Variants in SHANK2 observed in about 807,000 individuals in gnomAD.
The protein encoded by SHANK2 is SH3 and multiple ankyrin repeat domains protein 2.
In SHANK2, 43 loss-of-function variants were observed where a neutral mutation model predicts 133.7. The ratio of observed to expected loss-of-function variants is 0.32; its 90% CI spans 0.25 to 0.41. The LOEUF is 0.41. Among genes scored for constraint, SHANK2 ranks in the 10% least tolerant of loss-of-function variants. SHANK2 has a pLI of 1.00. For missense variants in SHANK2, 1,994 were observed against 2,235.8 expected, an observed-to-expected ratio of 0.89 and a Z score of 2.18; for synonymous variants, 1,017 against 952.8, an observed-to-expected ratio of 1.07 and a Z score of -1.24.
At chr11:70,565,537 C>G (rs1195147789) in intron 17 of SHANK2, among the ~76,000 whole-genome samples, 1 of 152,198 alleles carries the variant, frequency 6.6e-6, no homozygotes, top group East Asian at 1.9e-4. Flanking sequence ...TGAGCCACCA[C>G]GCCTGGCCTC....
chr11:70,472,795 G>A lies in SHANK2; in HGVS notation c.*74C>T. 7.0e-7 allele frequency: 1 copy of A among 1,427,260 alleles called. No individual in the cohort carries two copies. The highest frequency in any genetic ancestry group is 1.7e-5 in the Admixed American group (1 of 59,776). 88.4% of individuals were successfully genotyped at this position (1,427,260 alleles called of 1,614,324 possible). A position where few individuals can be genotyped will look rare whatever the true frequency, so the allele number is the denominator to read the frequency against. ...GGTTGATGCTCACAGACTTCGCTTGGCATTCAGATGTTTCAGCACGAGCCC... is the reference window on the plus strand; with the variant it reads ...GGTTGATGCTCACAGACTTCGCTTGACATTCAGATGTTTCAGCACGAGCCC... On this transcript the variant is annotated 3_prime_UTR_variant, in exon 26 of 26. Coordinates refer to ENST00000601538, the MANE Select transcript of SHANK2 (RefSeq NM_012309.5). The surrounding 1 kb of genome is among the most constrained non-coding windows in gnomAD (Gnocchi z 4.4).
intron 8 of SHANK2, among the ~76,000 whole-genome samples, chr11:71,083,685 G>A (rs918212698): frequency 6.6e-6 from 1 of 152,174 alleles, no homozygotes; most frequent in Non-Finnish European, 1.5e-5. Flanking sequence ...TGGAAACGCA[G>A]GGTCTGGATC....
At chr11:70,617,234 C>A (rs540547580) in intron 17 of SHANK2, among the ~76,000 whole-genome samples, 4 of 149,776 alleles carry the variant, frequency 2.7e-5, no homozygotes, top group Admixed American at 2.7e-4. Context: ...TGTGTGTGTG[C>A]ATGTGTGTCA....
chr11:70,617,037 A>G (rs2060753450), intron 17 of SHANK2, among the ~76,000 whole-genome samples: 1 of 151,538 alleles, frequency 6.6e-6, no homozygotes, highest in Non-Finnish European at 1.5e-5. Context: ...GTGTGTGTCT[A>G]TGAGTGTGTG....
chr11:71,126,061 T>C (rs185377384), intron 3 of SHANK2, among the ~76,000 whole-genome samples: 16 of 151,488 alleles, frequency 1.1e-4, no homozygotes, highest in South Asian at 2.1e-4. Flanking sequence ...CTACTAAAAA[T>C]ACAAAAATTA....
intron 9 of SHANK2, among the ~76,000 whole-genome samples, chr11:71,071,052 T>C (rs1398833759): frequency 6.6e-6 from 1 of 152,212 alleles, no homozygotes; most frequent in Non-Finnish European, 1.5e-5. Context: ...AATACCATCT[T>C]GTCCACAATT....
intron 17 of SHANK2, among the ~76,000 whole-genome samples, chr11:70,528,717 G>C (rs1473744051): frequency 6.6e-6 from 1 of 151,940 alleles, no homozygotes. Context: ...GCTCCCCAGG[G>C]GCATGGAAGG....
intron 11 of SHANK2, among the ~76,000 whole-genome samples, chr11:70,876,625 G>A (rs1590787442): frequency 7.5e-6 from 1 of 132,844 alleles, no homozygotes; most frequent in African/African-American, 3.6e-5. Flanking sequence ...ACACACACAT[G>A]CATACACATG....
At chr11:70,635,588 AAG>A (rs2061064512) in intron 17 of SHANK2, 1 of 151,904 alleles carries the variant, frequency 6.6e-6, no homozygotes, top group South Asian at 2.1e-4. Flanking sequence ...GTTAATAGGG[AAG>A]AGTTTCAGTT....
At chr11:70,672,014 C>T (rs892619935) in intron 15 of SHANK2, among the ~76,000 whole-genome samples, 2 of 151,934 alleles carry the variant, frequency 1.3e-5, no homozygotes, top group African/African-American at 4.8e-5. Flanking sequence ...CACTGTATCT[C>T]CCCCACTTAA....
chr11:71,173,185 G>T (rs1555112556), intron 2 of SHANK2, among the ~76,000 whole-genome samples: 1 of 152,178 alleles, frequency 6.6e-6, no homozygotes, highest in Non-Finnish European at 1.5e-5. Flanking sequence ...TAAAATACTG[G>T]ACTATTGGAG....
rs782778740 is a variant in SHANK2 at position 70,473,434 on chromosome 11, G to A, written c.4985C>T (p.Pro1662Leu). The A allele has an allele frequency of 6.0e-5, 96 of 1,602,820 alleles. No homozygotes were observed. Among genetic ancestry groups the A allele is most frequent in the Non-Finnish European group, 8.1e-5 (95 of 1,179,886 alleles). ...AKSASLAPRS[P>L]EIMSTISGTR... ...ACCTGAGATGGTGCTCATGATCTCC[G>A]GGCTTCTGAAACAGCAACACAGAGA... Residue 1662 changes from proline (P) to leucine (L), a missense_variant, in exon 26 of 26, where the codon CCG becomes CTG. Pro to Leu is a moderately conservative substitution (Grantham distance 98). Coordinates refer to ENST00000601538, the MANE Select transcript of SHANK2 (RefSeq NM_012309.5). This position sits in a 1 kb window ranked among gnomAD's most constrained non-coding sequence, Gnocchi z 5.9.
rs1555151007 is a variant in SHANK2 at position 70,479,662 on chromosome 11, A to T, written c.4979+5652T>A. 6.6e-6 allele frequency among the ~76,000 whole-genome samples: 1 copy of T among 152,266 alleles called. No individual in the cohort carries two copies. Among genetic ancestry groups the T allele is most frequent in the African/African-American group, 2.4e-5 (1 of 41,480 alleles). On this transcript the variant is annotated intron_variant, in intron 25 of 25. Coordinates refer to ENST00000601538, the MANE Select transcript of SHANK2 (RefSeq NM_012309.5). The surrounding 1 kb of genome is among the most constrained non-coding windows in gnomAD (Gnocchi z 4.4). ...TAGGCCATGCACCCTAACAGAAGCC[A>T]TGGGGGACCCCCACAAGCACACACT...
chr11:70,888,928 C>G (rs189606928), intron 11 of SHANK2, among the ~76,000 whole-genome samples: 4 of 152,302 alleles, frequency 2.6e-5, no homozygotes, highest in Admixed American at 6.5e-5. Flanking sequence ...GAGGCCCCAC[C>G]ACGTGCCTAG....
intron 8 of SHANK2, among the ~76,000 whole-genome samples, chr11:71,090,538 C>G (rs1223507934): frequency 2.2e-4 from 1 of 4,632 alleles, no homozygotes; most frequent in African/African-American, 1.2e-3. Context: ...GAAACACAAC[C>G]TCTGTGTGTG....
chr11:70,566,645 G>T (rs2059971642), intron 17 of SHANK2: 1 of 152,224 alleles, frequency 6.6e-6, no homozygotes, highest in Non-Finnish European at 1.5e-5. Context: ...AGAAATTCTG[G>T]TGTTTCTAAG....
chr11:70,765,500 T>G (rs549158649), intron 14 of SHANK2, among the ~76,000 whole-genome samples: 24 of 152,298 alleles, frequency 1.6e-4, no homozygotes, highest in African/African-American at 5.5e-4. Context: ...TAAGGCTCCC[T>G]AAGCACCTGG....
intron 17 of SHANK2, among the ~76,000 whole-genome samples, chr11:70,594,573 G>C (rs548759049): frequency 6.6e-6 from 1 of 152,292 alleles, no homozygotes; most frequent in African/African-American, 2.4e-5. Flanking sequence ...TAGAGGAGAA[G>C]TAGCTTGGTG....
chr11:70,774,438 A>G (rs1429957175), intron 14 of SHANK2, among the ~76,000 whole-genome samples: 1 of 151,494 alleles, frequency 6.6e-6, no homozygotes, highest in Non-Finnish European at 1.5e-5. Context: ...TCCTGCCTCC[A>G]CCTCCTGAGT....
Sources: gnomAD v4.1 joint callset for allele counts (sites outside exome capture counted in the v4.1 genomes callset) on GRCh38, gnomAD v4.1.1 for gene constraint, Gnocchi (gnomAD v3.1) non-coding constraint, MANE v1.5 for transcripts, NCBI Gene and HGNC (gene_info 2026-07-23, HGNC 2026-07-21) for gene names.